SUSD4: variants seen among roughly 807,000 people sequenced by gnomAD.
SUSD4 encodes the protein sushi domain containing 4, also known as sushi domain-containing protein 4.
A neutral mutation model predicts 50.5 loss-of-function variants in SUSD4; 41 were observed. That is an observed-to-expected ratio of 0.81 (90% CI 0.63 to 1.05). The LOEUF (loss-of-function observed/expected upper bound fraction) is 1.05, where lower values mean the gene tolerates loss of function less well. SUSD4 is among the 50% of genes least tolerant of loss of function. SUSD4 has a pLI of 0.00. For missense variants in SUSD4, 580 were observed against 634.7 expected (o/e 0.91, Z 0.93); for synonymous variants, 257 against 257.3 (o/e 1.00, Z 0.01).
chr1:223,351,092 T>C (rs1287955180), intron 2 of SUSD4, among the ~76,000 whole-genome samples: 4 of 152,272 alleles, frequency 2.6e-5, no homozygotes, highest in Non-Finnish European at 5.9e-5. Context: ...ACATGGGTAC[T>C]ATTATCCCCC....
chr1:223,344,358 T>A (rs1247401960), intron 2 of SUSD4, among the ~76,000 whole-genome samples: 1 of 152,096 alleles, frequency 6.6e-6, no homozygotes, highest in Admixed American at 6.5e-5. Flanking sequence ...GATGAGTGTC[T>A]CACACAAAAA....
At chr1:223,286,885 T>TAACAACACAA (rs1664179425) in intron 3 of SUSD4, among the ~76,000 whole-genome samples, 2 of 152,160 alleles carry the variant, frequency 1.3e-5, no homozygotes, top group African/African-American at 2.4e-5. Context: ...TTTGTGTTGT[T>TAACAACACAA]AGGTGAATCT....
chr1:223,260,765 G>A (rs948402995), intron 5 of SUSD4, among the ~76,000 whole-genome samples: 2 of 152,184 alleles, frequency 1.3e-5, no homozygotes, highest in African/African-American at 4.8e-5. Flanking sequence ...GTGCAATAGT[G>A]CAGGCCTTAA....
At chr1:223,304,068 G>A (rs1353217537) in intron 2 of SUSD4, among the ~76,000 whole-genome samples, 1 of 152,204 alleles carries the variant, frequency 6.6e-6, no homozygotes, top group Non-Finnish European at 1.5e-5. Context: ...AAGAGGCCTA[G>A]AAGAGCCGTG....
chr1:223,357,128 C>A (rs1286690849), intron 2 of SUSD4, among the ~76,000 whole-genome samples: 1 of 152,180 alleles, frequency 6.6e-6, no homozygotes, highest in Admixed American at 6.5e-5. Context: ...CTACCTTCTT[C>A]CAACAGGCAC....
chr1:223,284,727 G>T (rs894247218), intron 3 of SUSD4, among the ~76,000 whole-genome samples: 1 of 152,090 alleles, frequency 6.6e-6, no homozygotes, highest in East Asian at 1.9e-4. Flanking sequence ...GGAACTGGGG[G>T]ACATTATTTT....
At chr1:223,351,024 G>A (rs929380597) in intron 2 of SUSD4, among the ~76,000 whole-genome samples, 3 of 151,900 alleles carry the variant, frequency 2.0e-5, no homozygotes, top group Admixed American at 6.5e-5. Context: ...TACATAATAG[G>A]CATTCTTCTG....
chr1:223,261,772 A>C (rs1004480860), intron 5 of SUSD4, among the ~76,000 whole-genome samples: 1 of 152,202 alleles, frequency 6.6e-6, no homozygotes, highest in Non-Finnish European at 1.5e-5. Flanking sequence ...GTTCTCTCTT[A>C]TTTATTGAGA....
chr1:223,362,807 C>T (rs1296085403), intron 2 of SUSD4, among the ~76,000 whole-genome samples: 1 of 152,198 alleles, frequency 6.6e-6, no homozygotes, highest in Admixed American at 6.5e-5. Flanking sequence ...GACCACGTTT[C>T]CAGACCCTTC....
intron 2 of SUSD4, among the ~76,000 whole-genome samples, chr1:223,321,123 C>T (rs1313713542): frequency 6.6e-6 from 1 of 152,180 alleles, no homozygotes; most frequent in African/African-American, 2.4e-5. Flanking sequence ...CATTGCCCTA[C>T]TCCACAAGAC....
intron 7 of SUSD4, among the ~76,000 whole-genome samples, chr1:223,226,439 G>A (rs907216696): frequency 2.0e-5 from 3 of 152,190 alleles, no homozygotes; most frequent in African/African-American, 7.2e-5. Flanking sequence ...GACCATAGCG[G>A]GTCCCTGCTG....
chr1:223,338,695 C>G (rs1667588537), intron 2 of SUSD4, among the ~76,000 whole-genome samples: 1 of 152,208 alleles, frequency 6.6e-6, no homozygotes, highest in Non-Finnish European at 1.5e-5. Context: ...GAGGAAACTG[C>G]TGGGACAGGC....
chr1:223,256,831 T>C (rs1661727558), intron 5 of SUSD4, among the ~76,000 whole-genome samples: 1 of 152,126 alleles, frequency 6.6e-6, no homozygotes. Context: ...TTAGAAGGCC[T>C]AGAAGAGTAG....
chr1:223,284,443 A>G (rs1046002047), intron 3 of SUSD4, among the ~76,000 whole-genome samples: 1 of 152,218 alleles, frequency 6.6e-6, no homozygotes, highest in Non-Finnish European at 1.5e-5. Flanking sequence ...CAAGGAGACC[A>G]TGGGAAATTC....
At chr1:223,341,012 C>A (rs1667725600) in intron 2 of SUSD4, among the ~76,000 whole-genome samples, 1 of 152,220 alleles carries the variant, frequency 6.6e-6, no homozygotes, top group South Asian at 2.1e-4. Context: ...CTAAAATACA[C>A]ATGTTTGATA....
In SUSD4 at chr1:223,264,731, T is replaced by G. The variant is rs776806282; in HGVS notation, c.623A>C (p.Tyr208Ser). 6.2e-7 allele frequency: 1 copy of G among 1,614,028 alleles called. No homozygotes were observed. The highest frequency in any genetic ancestry group is 1.3e-5 in the African/African-American group (1 of 74,922). ...TSFPVGTVIS[Y>S]RCFPGFKLDG... ...AAGTTTAAATCCGGGAAAGCAGCGA[T>G]AGGAGATCACAGTCCCCACCGGGAA... The change falls in exon 5 of 9, where the codon TAT becomes TCT. Residue 208 changes from tyrosine (Y) to serine (S), a missense_variant. Transcript: ENST00000366878.
At chr1:223,266,524 T>C (rs1039618536) in intron 4 of SUSD4, among the ~76,000 whole-genome samples, 1 of 152,204 alleles carries the variant, frequency 6.6e-6, no homozygotes, top group Non-Finnish European at 1.5e-5. Context: ...AGCTGGTTTC[T>C]CTCAAATAAA....
At chr1:223,336,932 T>C (rs1346163156) in intron 2 of SUSD4, among the ~76,000 whole-genome samples, 1 of 152,148 alleles carries the variant, frequency 6.6e-6, no homozygotes, top group Non-Finnish European at 1.5e-5. Context: ...TTGAAGCCCA[T>C]GGAACCTGGT....
Position 223,264,673 on chromosome 1 carries a change from G to T in SUSD4, c.681C>A (p.Asn227Lys). ...GGGGTGGGCTGGACGACCAGATAAG[G>T]TTTTGTAAGCACTCAAGATACGCAG... is the stretch of plus-strand genomic sequence containing the variant. The part of the protein sequence containing the change: ...DGSAYLECLQ[N>K]LIWSSSPPRC... The change falls in exon 5 of 9, where the codon AAC becomes AAA. Residue 227 changes from asparagine to lysine, a missense_variant. By Grantham distance (94) the Asn-to-Lys change is moderately conservative. Transcript: ENST00000366878. The T allele has an allele frequency of 6.2e-7, 1 of 1,614,176 alleles. No individual in the cohort carries two copies. Among genetic ancestry groups the T allele is most frequent in the South Asian group, 1.1e-5 (1 of 91,082 alleles).
Sources: allele counts gnomAD v4.1 joint callset (sites outside exome capture counted in the v4.1 genomes callset), GRCh38; gene constraint gnomAD v4.1.1; transcripts MANE v1.5; gene names NCBI Gene and HGNC (gene_info 2026-07-23, HGNC 2026-07-21).